ZBTB7C: variants seen among roughly 807,000 people sequenced by gnomAD.
The protein encoded by ZBTB7C is zinc finger and BTB domain-containing protein 7C.
A neutral mutation model predicts 25.7 loss-of-function variants in ZBTB7C; 8 were observed. The ratio of observed to expected loss-of-function variants is 0.31; its 90% confidence interval spans 0.18 to 0.56. ZBTB7C has a LOEUF of 0.56. Ranked by LOEUF, ZBTB7C falls within the 20% of genes least tolerant of loss-of-function variation. The probability of loss-of-function intolerance (pLI) is 0.91; values close to 1 mark genes in which losing one functional copy is unlikely to be tolerated. For missense variants in ZBTB7C, 824 were observed against 855.2 expected (o/e 0.96, Z 0.46); for synonymous variants, 394 against 369.0 (o/e 1.07, Z -0.78).
At chr18:48,082,284 G>A (rs1173224417) in intron 3 of ZBTB7C, among the ~76,000 whole-genome samples, 1 of 152,212 alleles carries the variant, frequency 6.6e-6, no homozygotes, top group South Asian at 2.1e-4. Flanking sequence ...CATGAGATCT[G>A]AGCCATCATT....
chr18:48,134,839 C>A (rs1288806146), intron 3 of ZBTB7C, among the ~76,000 whole-genome samples: 1 of 152,210 alleles, frequency 6.6e-6, no homozygotes, highest in Non-Finnish European at 1.5e-5. Flanking sequence ...CAACTGTAAA[C>A]CCTAAATGAA....
intron 1 of ZBTB7C, among the ~76,000 whole-genome samples, chr18:48,359,146 G>A (rs926884763): frequency 2.6e-5 from 4 of 152,320 alleles, no homozygotes; most frequent in East Asian, 3.9e-4. Context: ...GCACAGGAAG[G>A]ATAATCCTGC....
chr18:48,376,804 T>C (rs1479858144), intron 1 of ZBTB7C, among the ~76,000 whole-genome samples: 2 of 152,234 alleles, frequency 1.3e-5, no homozygotes, highest in Non-Finnish European at 2.9e-5. Context: ...GGAAGAGAGC[T>C]ACCCCAGGCA....
chr18:48,227,019 C>CAAAAAAAAAAAAAAAAAAAAAA (rs1187830776), intron 2 of ZBTB7C, among the ~76,000 whole-genome samples: 1 of 56,118 alleles, frequency 1.8e-5, no homozygotes, highest in Non-Finnish European at 3.7e-5. Context: ...GACTCCATCT[C>CAAAAAAAAAAAAAAAAAAAAAA]AAAAAAAAAA....
chr18:48,131,158 C>T (rs544809581), intron 3 of ZBTB7C, among the ~76,000 whole-genome samples: 10 of 152,354 alleles, frequency 6.6e-5, no homozygotes, highest in Non-Finnish European at 8.8e-5. Flanking sequence ...CCCGCCTCCG[C>T]GTCCCAAAGT....
At chr18:48,153,532 G>T (rs1001280769) in intron 3 of ZBTB7C, among the ~76,000 whole-genome samples, 1 of 152,108 alleles carries the variant, frequency 6.6e-6, no homozygotes, top group Admixed American at 6.5e-5. Context: ...GGTCCAAAGG[G>T]AAAAAGGGAA....
chr18:48,313,810 T>C (rs1181897656), intron 2 of ZBTB7C, among the ~76,000 whole-genome samples: 1 of 152,184 alleles, frequency 6.6e-6, no homozygotes, highest in Admixed American at 6.5e-5. Flanking sequence ...CCAAATCTCA[T>C]GTTGAAATGT....
At chr18:48,118,263 C>A (rs2039512676) in intron 3 of ZBTB7C, among the ~76,000 whole-genome samples, 1 of 152,162 alleles carries the variant, frequency 6.6e-6, no homozygotes, top group African/African-American at 2.4e-5. Flanking sequence ...GCCTCAGCCT[C>A]CCAAAGTGCT....
intron 1 of ZBTB7C, among the ~76,000 whole-genome samples, chr18:48,394,698 T>C (rs1219691710): frequency 1.3e-5 from 2 of 152,132 alleles, no homozygotes; most frequent in East Asian, 3.9e-4. Flanking sequence ...GGCTAATACA[T>C]TAGCAGGGGC....
intron 2 of ZBTB7C, among the ~76,000 whole-genome samples, chr18:48,327,858 A>G (rs991952879): frequency 2.0e-5 from 3 of 152,110 alleles, no homozygotes; most frequent in South Asian, 2.1e-4. Flanking sequence ...TTATATCCAT[A>G]TTACAGAAAA....
chr18:48,404,017 G>C (rs28613821), intron 1 of ZBTB7C, among the ~76,000 whole-genome samples: 16,467 of 152,180 alleles, frequency 0.11, 1,001 homozygotes, highest in African/African-American at 0.15. Flanking sequence ...TTTTGGGAGG[G>C]TGAGGCAGGC....
At chr18:48,252,858 A>G (rs1209327063) in intron 2 of ZBTB7C, 1 of 152,214 alleles carries the variant, frequency 6.6e-6, no homozygotes, top group African/African-American at 2.4e-5. Flanking sequence ...CCTGACATTT[A>G]TTAGTGGAAT....
At chr18:48,075,493 A>C (rs748764970) in intron 3 of ZBTB7C, among the ~76,000 whole-genome samples, 25 of 152,202 alleles carry the variant, frequency 1.6e-4, no homozygotes, top group Non-Finnish European at 3.4e-4. Flanking sequence ...TCCAGGAAAC[A>C]CAGAGCAGCC....
intron 2 of ZBTB7C, among the ~76,000 whole-genome samples, chr18:48,208,943 C>T (rs1192912380): frequency 1.3e-5 from 2 of 152,244 alleles, no homozygotes; most frequent in Non-Finnish European, 2.9e-5. Context: ...CTGTCCTGTG[C>T]TCACTGTTGC....
chr18:48,298,198 T>G (rs188379220), intron 2 of ZBTB7C, among the ~76,000 whole-genome samples: 2 of 151,414 alleles, frequency 1.3e-5, no homozygotes, highest in African/African-American at 4.9e-5. Flanking sequence ...GAGAATTACT[T>G]GAACCCTGCA....
At chr18:48,097,741 C>T (rs2038691569) in intron 3 of ZBTB7C, among the ~76,000 whole-genome samples, 1 of 152,198 alleles carries the variant, frequency 6.6e-6, no homozygotes, top group South Asian at 2.1e-4. Flanking sequence ...CCATAGCTTT[C>T]CCGGCTCCAG....
chr18:48,122,265 GT>G (rs1399800213), intron 3 of ZBTB7C, among the ~76,000 whole-genome samples: 1 of 152,194 alleles, frequency 6.6e-6, no homozygotes, highest in Admixed American at 6.5e-5. Context: ...GTCTGGATCT[GT>G]TATTTTAATG....
intron 3 of ZBTB7C, among the ~76,000 whole-genome samples, chr18:48,140,490 T>C: frequency 6.6e-6 from 1 of 152,162 alleles, no homozygotes; most frequent in East Asian, 1.9e-4. Context: ...ACTGCATCTT[T>C]GTGACTCTGG....
At chr18:48,401,249 G>A (rs1013551364) in intron 1 of ZBTB7C, among the ~76,000 whole-genome samples, 2 of 152,054 alleles carry the variant, frequency 1.3e-5, no homozygotes, top group East Asian at 1.9e-4. Flanking sequence ...TTTTGGCATC[G>A]ATCCTGTCTT....
Sources: gnomAD v4.1 joint callset for allele counts (sites outside exome capture counted in the v4.1 genomes callset) on GRCh38, gnomAD v4.1.1 for gene constraint, MANE v1.5 for transcripts, NCBI Gene and HGNC (gene_info 2026-07-23, HGNC 2026-07-21) for gene names.